ZBBX: variants seen among roughly 807,000 people sequenced by gnomAD.
ZBBX encodes the protein zinc finger B-box domain containing.
In ZBBX, 101 loss-of-function variants were observed where a neutral mutation model predicts 108.5. That is an observed-to-expected ratio of 0.93 (90% CI 0.79 to 1.10). The LOEUF is 1.10. Ranked by LOEUF, ZBBX falls within the 50% of genes least tolerant of loss-of-function variation. The pLI is 0.00. For missense variants in ZBBX, 1,009 were observed against 941.4 expected, an observed-to-expected ratio of 1.07 and a Z score of -0.94; for synonymous variants, 356 against 323.4, an observed-to-expected ratio of 1.10 and a Z score of -1.08.
intron 3 of ZBBX, among the ~76,000 whole-genome samples, chr3:167,373,161 T>C (rs1481435436): frequency 6.6e-6 from 1 of 152,072 alleles, no homozygotes; most frequent in Non-Finnish European, 1.5e-5. Flanking sequence ...GAATAAAAAA[T>C]ACAAAAAAAG....
At position 167,313,967 on chromosome 3, in the gene ZBBX, A is replaced by G. The variant is rs372865455; in HGVS notation, c.1417+7T>C. 5 of 1,569,348 alleles carry G rather than the reference A, an allele frequency of 3.2e-6. No individual in the cohort carries two copies. In the African/African-American group the frequency reaches 6.9e-5, roughly 22 times the overall value. On this transcript the variant is annotated splice_region_variant and intron_variant, in intron 16 of 21. Coordinates refer to ENST00000675490, the MANE Select transcript of ZBBX (RefSeq NM_001199201.2). ...TTAATAATATCCAGCAACAAGAAAA[A>G]TGTTACCTTTTGAATTATCTTTATA...
At chr3:167,313,326 A>C (rs977973784) in intron 16 of ZBBX, among the ~76,000 whole-genome samples, 1 of 152,162 alleles carries the variant, frequency 6.6e-6, no homozygotes, top group Non-Finnish European at 1.5e-5. Context: ...CCTAGGCTGG[A>C]GTGCAACGGT....
At chr3:167,244,290 C>A (rs1721188547) in intron 20 of ZBBX, among the ~76,000 whole-genome samples, 1 of 152,126 alleles carries the variant, frequency 6.6e-6, no homozygotes, top group Admixed American at 6.5e-5. Context: ...TAAAAGAAGA[C>A]CCAAGGCACC....
intron 16 of ZBBX, among the ~76,000 whole-genome samples, chr3:167,307,296 T>C (rs79764429): frequency 6.6e-6 from 1 of 152,020 alleles, no homozygotes; most frequent in African/African-American, 2.4e-5. Flanking sequence ...GAGAAAGAAA[T>C]AAAGGGCATC....
rs147067456 is a variant in ZBBX, at chr3:167,313,814, T to C, written c.1417+160A>G. On this transcript the variant is annotated intron_variant, in intron 16 of 21. Transcript: ENST00000675490. ...CAAACACTGTTGTCCATTGACTAAA[T>C]TGCATATTTACTAGAAAATTATATT... Among the ~76,000 whole-genome samples the C allele has an allele frequency of 3.9e-3, 595 of 152,266 alleles. 3 individuals are homozygous for C. In the Middle Eastern group the frequency reaches 0.051, roughly 13 times the overall value.
At chr3:167,345,617 C>T (rs542835147) in intron 9 of ZBBX, among the ~76,000 whole-genome samples, 1 of 151,812 alleles carries the variant, frequency 6.6e-6, no homozygotes, top group African/African-American at 2.4e-5. Context: ...TTATTGGTAA[C>T]TCTGAGAGAA....
At chr3:167,331,656 G>A (rs144621451) in intron 10 of ZBBX, 71 of 982,940 alleles carry the variant, frequency 7.2e-5, no homozygotes, top group Non-Finnish European at 8.2e-5. Flanking sequence ...CATATATCAC[G>A]TCCACTCAGA....
At chr3:167,300,602 A>G (rs10936528) in intron 17 of ZBBX, among the ~76,000 whole-genome samples, 1 of 149,748 alleles carries the variant, frequency 6.7e-6, no homozygotes, top group East Asian at 1.9e-4. Context: ...CATCTCCCCC[A>G]CCAACCCTTT....
Position 167,263,924 on chromosome 3 carries a change from C to A in ZBBX, c.2254+18314G>T, listed in dbSNP as rs527461951. On this transcript the variant is annotated intron_variant, in intron 20 of 21. Transcript: ENST00000675490. ...AGTGTTGGTATGTATATATTTGTCA[C>A]CATTATACCCTCTTGCTGAATTGAC... Among the ~76,000 whole-genome samples, 10 of 152,272 alleles carry A rather than the reference C, an allele frequency of 6.6e-5. No individual in the cohort carries two copies. In the South Asian group the frequency reaches 1.2e-3, roughly 19 times the overall value.
the ZBBX span, among the ~76,000 whole-genome samples, chr3:167,192,200 G>A: frequency 8.8e-3 from 1,329 of 151,734 alleles, 20 homozygotes; most frequent in African/African-American, 0.03. Flanking sequence ...TTTTCCCAGT[G>A]GGTTTTATAC....
At chr3:167,268,887 A>G (rs1022595391) in intron 20 of ZBBX, among the ~76,000 whole-genome samples, 2 of 152,194 alleles carry the variant, frequency 1.3e-5, no homozygotes, top group Non-Finnish European at 2.9e-5. Flanking sequence ...TACCAGGTCC[A>G]GACCCCCGTT....
chr3:167,314,027 A>C lies in ZBBX; in HGVS notation c.1364T>G (p.Phe455Cys), dbSNP rs1735030100. Reference sequence around the variant, plus strand: ...GCTGTTTCTCAGACAAAGATTTAAGAAGTCTCTCTTTCCCTTATCGAAAAC... The same window carrying C: ...GCTGTTTCTCAGACAAAGATTTAAGCAGTCTCTCTTTCCCTTATCGAAAAC... ...HHVFDKGKRD[F>C]LNLCLRNSST... Residue 455 changes from phenylalanine (F) to cysteine (C), a missense_variant, in exon 16 of 22, where the codon TTC becomes TGC. Physicochemically the swap from Phe to Cys is radical, Grantham distance 205 (BLOSUM62 -2). Transcript: ENST00000675490. 6.2e-7 allele frequency: 1 copy of C among 1,606,866 alleles called. No homozygotes were observed.
intron 19 of ZBBX, among the ~76,000 whole-genome samples, chr3:167,287,248 TCA>T (rs1441379312): frequency 2.6e-5 from 4 of 152,160 alleles, no homozygotes; most frequent in Admixed American, 6.6e-5. Context: ...ATTTACATAT[TCA>T]CACACACATT....
At chr3:167,179,091 G>A in the ZBBX span, among the ~76,000 whole-genome samples, 2 of 152,090 alleles carry the variant, frequency 1.3e-5, no homozygotes, top group African/African-American at 4.8e-5. Flanking sequence ...TGCAAAAGGT[G>A]ACATTTAACA....
chr3:167,332,975 T>C (rs920479502), intron 10 of ZBBX, among the ~76,000 whole-genome samples: 1 of 152,122 alleles, frequency 6.6e-6, no homozygotes, highest in South Asian at 2.1e-4. Context: ...TTATTATAAT[T>C]AGGAGGCAGT....
At chr3:167,278,529 A>G (rs943575292) in intron 20 of ZBBX, among the ~76,000 whole-genome samples, 15 of 138,134 alleles carry the variant, frequency 1.1e-4, no homozygotes, top group Non-Finnish European at 2.2e-4. Flanking sequence ...CGACACATAC[A>G]CTCTCCCAAG....
At chr3:167,390,482 A>G (rs546680968) in intron 1 of ZBBX, among the ~76,000 whole-genome samples, 46 of 151,976 alleles carry the variant, frequency 3.0e-4, no homozygotes, top group African/African-American at 1.1e-3. Context: ...TTTTGGTTCC[A>G]TATGAAATTT....
At chr3:167,295,756 TATA>T (rs1731580787) in intron 18 of ZBBX, among the ~76,000 whole-genome samples, 2 of 10,954 alleles carry the variant, frequency 1.8e-4, no homozygotes, top group Non-Finnish European at 3.0e-4. Context: ...TATATATATA[TATA>T]AAAAAAACTA....
chr3:167,264,537 T>G (rs898649710), intron 20 of ZBBX, among the ~76,000 whole-genome samples: 1 of 152,166 alleles, frequency 6.6e-6, no homozygotes, highest in Non-Finnish European at 1.5e-5. Flanking sequence ...TTTTTAACTT[T>G]TTGTTGTTTC....
Sources: allele counts gnomAD v4.1 joint callset (sites outside exome capture counted in the v4.1 genomes callset), GRCh38; gene constraint gnomAD v4.1.1; transcripts MANE v1.5; gene names NCBI Gene and HGNC (gene_info 2026-07-23, HGNC 2026-07-21).